Variants in STAB1 observed in about 807,000 individuals in gnomAD.
STAB1 encodes stabilin-1.
A neutral mutation model predicts 332.4 loss-of-function variants in STAB1; 250 were observed. The observed-to-expected ratio is 0.75, with a 90% CI of 0.68 to 0.84. The LOEUF (loss-of-function observed/expected upper bound fraction) is 0.84. STAB1 is among the 40% of genes least tolerant of loss of function. The pLI, the probability that STAB1 is intolerant of heterozygous loss-of-function variation, is 0.00. For synonymous variants in STAB1, 1,475 were observed against 1,390.4 expected (o/e 1.06, Z -1.35); for missense variants, 3,249 against 3,489.7 (o/e 0.93, Z 1.74).
intron 1 of STAB1, among the ~76,000 whole-genome samples, chr3:52,497,943 C>T (rs918182916): frequency 6.6e-6 from 1 of 152,190 alleles, no homozygotes; most frequent in African/African-American, 2.4e-5. Context: ...TTAGCACTTG[C>T]CCATTCAGCA....
Position 52,520,388 on chromosome 3 carries a change from C to T in STAB1, c.5500-12C>T. 2 of 1,612,164 alleles carry T rather than the reference C, an allele frequency of 1.2e-6. No individual in the cohort carries two copies. The highest frequency in any genetic ancestry group is 1.7e-6 in the Non-Finnish European group (2 of 1,179,322). On this transcript the variant is annotated splice_polypyrimidine_tract_variant and intron_variant, in intron 52 of 68. Transcript: ENST00000321725. Reference sequence around the variant, plus strand: ...CTGCGACCCTTGCATACCTCATATTCTCTCCTTGCAGGGTGAGCTCATGGT... The same window carrying T: ...CTGCGACCCTTGCATACCTCATATTTTCTCCTTGCAGGGTGAGCTCATGGT...
At chr3:52,499,749 A>T (rs1162650078) in intron 1 of STAB1, among the ~76,000 whole-genome samples, 2 of 151,278 alleles carry the variant, frequency 1.3e-5, no homozygotes, top group African/African-American at 2.4e-5. Context: ...AATACAAAAA[A>T]TTAGCCGGGC....
At position 52,504,080 on chromosome 3, in the gene STAB1, C is replaced by G. The variant is rs967876151; in HGVS notation, c.1075C>G (p.Leu359Val). ...GGATGGGCGTGCCTGCTACGGACAC[C>G]TGCTCCACGAGGTGCAGAAGGCCAC... ...VGDGRACYGH[L>V]LHEVQKATQT... Residue 359 changes from leucine to valine, a missense_variant, in exon 10 of 69, where the codon CTG becomes GTG. Transcript: ENST00000321725. 1 of 1,587,056 alleles carries G rather than the reference C, an allele frequency of 6.3e-7. No homozygotes were observed. The highest frequency in any genetic ancestry group is 1.7e-4 in the Middle Eastern group (1 of 5,976).
In STAB1 at chr3:52,509,310, A is replaced by C; in HGVS notation, c.2336A>C (p.Gln779Pro). 1 of 1,613,290 alleles carries C rather than the reference A, an allele frequency of 6.2e-7. No individual in the cohort carries two copies. The highest frequency in any genetic ancestry group is 8.5e-7 in the Non-Finnish European group (1 of 1,179,910). Residue 779 changes from glutamine to proline, a missense_variant, in exon 22 of 69, where the codon CAA becomes CCA. Transcript: ENST00000321725. ...ICSNPNKHGE[Q>P]CQEDCGCVHG... ...TCGAACCCAAACAAGCATGGAGAGC[A>C]ATGCCAGGAAGGTGGGTGGTCCTGG...
At position 52,515,962 on chromosome 3, in the gene STAB1, G is replaced by GCCCCGAGATGC. The variant is rs1252249223; in HGVS notation, c.3949-75_3949-65dup. On this transcript the variant is annotated intron_variant, in intron 37 of 68. Coordinates refer to ENST00000321725, the MANE Select transcript of STAB1 (RefSeq NM_015136.3). Reference sequence around the variant, plus strand: ...AGGGGTTTTGCTCCATGGCTCTGTGGCCCCGAGATGCCCCCGTTCCCCTTC... The same window carrying GCCCCGAGATGC: ...AGGGGTTTTGCTCCATGGCTCTGTGGCCCCGAGATGCCCCCGAGATGCCCCCGTTCCCCTTC... 2.0e-5 allele frequency: 29 copies of GCCCCGAGATGC among 1,440,798 alleles called. No individual in the cohort carries two copies. In the East Asian group the frequency reaches 6.7e-4, roughly 33 times the overall value. 89.3% of individuals were successfully genotyped at this position (1,440,798 alleles called of 1,614,324 possible).
intron 5 of STAB1, 43 bp downstream of exon 5, chr3:52,502,271 G>C (rs1306916368): frequency 1.9e-6 from 3 of 1,593,680 alleles, no homozygotes; most frequent in Admixed American, 1.7e-5. Flanking sequence ...GCGTCCACCT[G>C]GGGGCCCACG....
Position 52,522,356 on chromosome 3 carries a change from A to G in STAB1, c.6492A>G (p.Ala2164=). Reference sequence around the variant, plus strand: ...ACACACGGCGCTGTGAGTGCCACGCAGGCTACGTAGGCGATGGACTGCAGT... The same window carrying G: ...ACACACGGCGCTGTGAGTGCCACGCGGGCTACGTAGGCGATGGACTGCAGT... ...GLNTRRCECH[A]GYVGDGLQCL... The change falls in exon 60 of 69, where the codon GCA becomes GCG. Residue 2164 remains alanine (A), a synonymous_variant. Coordinates refer to ENST00000321725, the MANE Select transcript of STAB1 (RefSeq NM_015136.3). 2 of 1,612,982 alleles carry G rather than the reference A, an allele frequency of 1.2e-6. No homozygotes were observed. The highest frequency in any genetic ancestry group is 8.5e-7 in the Non-Finnish European group (1 of 1,180,014).
chr3:52,502,967 G>C, intron 6 of STAB1, 32 bp from the exon 7 acceptor site: 1 of 1,503,722 alleles, frequency 6.7e-7, no homozygotes, highest in Non-Finnish European at 8.9e-7. Context: ...GCCTGGGCTT[G>C]GGCTCATCAG....
At position 52,504,020 on chromosome 3, in the gene STAB1, G is replaced by C. The variant is rs1395768547; in HGVS notation, c.1023-8G>C. ...CTCCGCCCTGACTGGCTCTCCCTGG[G>C]AGCCCAGCTGTGTGTGCAGGGAAAG... On this transcript the variant is annotated splice_region_variant and splice_polypyrimidine_tract_variant and intron_variant, in intron 9 of 68. Coordinates refer to ENST00000321725, the MANE Select transcript of STAB1 (RefSeq NM_015136.3). 1 of 1,606,168 alleles carries C rather than the reference G, an allele frequency of 6.2e-7. No individual in the cohort carries two copies. Among genetic ancestry groups the C allele is most frequent in the Non-Finnish European group, 8.5e-7 (1 of 1,176,770 alleles).
intron 1 of STAB1, 150 bp from the exon 2 acceptor site, chr3:52,501,016 A>G (rs1026610194): frequency 2.6e-6 from 3 of 1,148,942 alleles, no homozygotes; most frequent in African/African-American, 3.1e-5. Context: ...CAAAGAACTC[A>G]GCTCTGTGCC....
Position 52,504,124 on chromosome 3 carries a change from C to G in STAB1, c.1119C>G (p.Phe373Leu). The G allele has an allele frequency of 6.3e-7, 1 of 1,591,954 alleles. No homozygotes were observed. The highest frequency in any genetic ancestry group is 1.3e-5 in the African/African-American group (1 of 74,702). Residue 373 changes from phenylalanine to leucine, a missense_variant, in exon 10 of 69, where the codon TTC becomes TTG. Coordinates refer to ENST00000321725, the MANE Select transcript of STAB1 (RefSeq NM_015136.3). Reference sequence around the variant, plus strand: ...AGGCCACGCAGACAGGCCGGGTGTTCCTGCAGCTGAGGGTCGCCGTGGCCA... The same window carrying G: ...AGGCCACGCAGACAGGCCGGGTGTTGCTGCAGCTGAGGGTCGCCGTGGCCA... Reference protein sequence around the residue: ...VQKATQTGRVFLQLRVAVAMM... With the variant: ...VQKATQTGRVLLQLRVAVAMM...
At chr3:52,497,105 G>A (rs1295981656) in intron 1 of STAB1, among the ~76,000 whole-genome samples, 3 of 152,116 alleles carry the variant, frequency 2.0e-5, no homozygotes, top group East Asian at 1.9e-4. Context: ...AGGTTCAAGC[G>A]ATTCTCCTGC....
In STAB1 at chr3:52,502,188, G is replaced by A. The variant is rs143577711; in HGVS notation, c.447G>A (p.Glu149=). 1.1e-5 allele frequency: 18 copies of A among 1,613,280 alleles called. No individual in the cohort carries two copies. In the African/African-American group the frequency reaches 2.3e-4, roughly 20 times the overall value. ...QENFRGSACQ[E]CQDPNRFGPD... ...ACTTCCGCGGCTCAGCCTGCCAGGA[G>A]TGCCAAGACCCCAACCGGTTCGGGC... Residue 149 remains glutamate (E), a synonymous_variant, in exon 5 of 69, where the codon GAG becomes GAA. Coordinates refer to ENST00000321725, the MANE Select transcript of STAB1 (RefSeq NM_015136.3).
chr3:52,510,947 C>G (rs535294709), intron 25 of STAB1, among the ~76,000 whole-genome samples: 1 of 152,184 alleles, frequency 6.6e-6, no homozygotes, highest in Non-Finnish European at 1.5e-5. Flanking sequence ...CTGTCTAACG[C>G]GCCAAGTGGG....
chr3:52,515,720 A>T (rs2078840591), intron 37 of STAB1, among the ~76,000 whole-genome samples: 1 of 152,050 alleles, frequency 6.6e-6, no homozygotes, highest in South Asian at 2.1e-4. Flanking sequence ...GAGGGAGTGG[A>T]GACGGTGAGA....
At chr3:52,511,805 G>C in intron 26 of STAB1, 60 bp downstream of exon 26, 1 of 1,345,538 alleles carries the variant, frequency 7.4e-7, no homozygotes, top group Non-Finnish European at 1.0e-6. Context: ...CTGGGCTGCA[G>C]CTCTCTCCCT....
chr3:52,507,972 G>A lies in STAB1; in HGVS notation c.2094G>A (p.Thr698=), dbSNP rs373860346. 24 of 1,613,530 alleles carry A rather than the reference G, an allele frequency of 1.5e-5. No homozygotes were observed. The highest frequency in any genetic ancestry group is 2.7e-5 in the African/African-American group (2 of 74,926). ...AGTGTGTCTACATCCATGACCCAAC[G>A]GGGCTCAATGTGCTAAAGAAGGGCT... ...PKECVYIHDP[T]GLNVLKKGCA... Residue 698 remains threonine, a synonymous_variant, in exon 20 of 69, where the codon ACG becomes ACA. Coordinates refer to ENST00000321725, the MANE Select transcript of STAB1 (RefSeq NM_015136.3).
At chr3:52,503,689 G>T (rs946641083) in intron 8 of STAB1, 83 bp from the exon 9 acceptor site, 2 of 1,590,022 alleles carry the variant, frequency 1.3e-6, no homozygotes, top group South Asian at 2.3e-5. Flanking sequence ...GGGAGGGGCT[G>T]AGCAGGGCTC....
In STAB1 at chr3:52,522,610, C is replaced by A. The variant is rs774906142; in HGVS notation, c.6666C>A (p.Asn2222Lys). Residue 2222 changes from asparagine to lysine, a missense_variant, in exon 61 of 69, where the codon AAC becomes AAA. Physicochemically the swap from Asn to Lys is moderately conservative, Grantham distance 94. Coordinates refer to ENST00000321725, the MANE Select transcript of STAB1 (RefSeq NM_015136.3). ...CCACCAGCGGCCCTTATGGTCTGAA[C>A]TTTTCGGAGGCTGAGGCGGCATGCG... ...LQATSGPYGL[N>K]FSEAEAACEA... 5 of 1,613,010 alleles carry A rather than the reference C, an allele frequency of 3.1e-6. No homozygotes were observed. The highest frequency in any genetic ancestry group is 4.2e-6 in the Non-Finnish European group (5 of 1,180,032).
Sources: allele counts gnomAD v4.1 joint callset (sites outside exome capture counted in the v4.1 genomes callset), GRCh38; gene constraint gnomAD v4.1.1; transcripts MANE v1.5; gene names NCBI Gene and HGNC (gene_info 2026-07-23, HGNC 2026-07-21).